MAPDA: variants seen among roughly 807,000 people sequenced by gnomAD.
The protein encoded by MAPDA is N6-Methyl-AMP deaminase.
At chr15:43,350,886 G>GA in the MAPDA span, 1 of 1,390,718 alleles carries the variant, frequency 7.2e-7, no homozygotes, top group Non-Finnish European at 1.0e-6. Context: ...GGTGAACACT[G>GA]AATGAGTTCA....
At chr15:43,337,509 G>C in the MAPDA span, among the ~76,000 whole-genome samples, 1 of 152,190 alleles carries the variant, frequency 6.6e-6, no homozygotes, top group Non-Finnish European at 1.5e-5. Context: ...TGATACTAGA[G>C]TCTGACATGG....
At chr15:43,350,979 C>T in the MAPDA span, 1 of 1,551,662 alleles carries the variant, frequency 6.4e-7, no homozygotes, top group South Asian at 1.2e-5. Context: ...TCAGACAGTT[C>T]CATCTTATGA....
chr15:43,335,038 C>G, the MAPDA span: 1 of 1,490,332 alleles, frequency 6.7e-7, no homozygotes, highest in African/African-American at 1.4e-5. Context: ...ATACAATTTA[C>G]TGACTGAAAT....
chr15:43,352,999 G>GCAGTGA, the MAPDA span: 4 of 151,374 alleles, frequency 2.6e-5, no homozygotes, highest in Non-Finnish European at 5.9e-5. Flanking sequence ...AGGCTGGAGT[G>GCAGTGA]CAGTGACATG....
At chr15:43,351,880 G>T in the MAPDA span, 1 of 1,551,552 alleles carries the variant, frequency 6.4e-7, no homozygotes, top group African/African-American at 1.4e-5. Flanking sequence ...CTTTGCTTCT[G>T]ACAGCACCAG....
chr15:43,346,056 T>TG, the MAPDA span: 15 of 1,575,346 alleles, frequency 9.5e-6, no homozygotes, highest in Non-Finnish European at 1.3e-5. Context: ...TCGGGCATCT[T>TG]GCATTGCATT....
the MAPDA span, among the ~76,000 whole-genome samples, chr15:43,347,650 A>G: frequency 6.6e-6 from 1 of 152,316 alleles, no homozygotes; most frequent in Admixed American, 6.5e-5. Flanking sequence ...ACTTTGCTGC[A>G]ATTTTCCCCA....
chr15:43,337,951 T>C, the MAPDA span, among the ~76,000 whole-genome samples: 2 of 152,338 alleles, frequency 1.3e-5, no homozygotes, highest in African/African-American at 2.4e-5. Flanking sequence ...TAAGGATTTA[T>C]AGGGAACCAA....
At chr15:43,330,539 C>G in the MAPDA span, 2 of 1,504,902 alleles carry the variant, frequency 1.3e-6, no homozygotes, top group Non-Finnish European at 1.8e-6. Flanking sequence ...TGAGCCGCCC[C>G]TTGGTTAGCA....
chr15:43,341,737 A>G, the MAPDA span, among the ~76,000 whole-genome samples: 5 of 152,168 alleles, frequency 3.3e-5, no homozygotes, highest in Admixed American at 3.3e-4. Flanking sequence ...CCTGAGCAAC[A>G]GAGAGAGACC....
At chr15:43,336,252 C>G in the MAPDA span, among the ~76,000 whole-genome samples, 2 of 152,102 alleles carry the variant, frequency 1.3e-5, no homozygotes, top group African/African-American at 4.8e-5. Context: ...CCTATGTTGC[C>G]CAGGCTGGTC....
the MAPDA span, chr15:43,352,537 AAAAAAAC>A: frequency 1.3e-5 from 2 of 152,144 alleles, no homozygotes; most frequent in African/African-American, 4.8e-5. Context: ...CTACAAAAAC[AAAAAAAC>A]AAAAAACCGG....
the MAPDA span, chr15:43,352,001 T>C: frequency 1.3e-6 from 2 of 1,496,344 alleles, no homozygotes; most frequent in Non-Finnish European, 1.8e-6. Context: ...TCCTGCCATA[T>C]CCCACTTAGT....
At chr15:43,330,803 C>T in the MAPDA span, 1 of 283,576 alleles carries the variant, frequency 3.5e-6, no homozygotes, top group Non-Finnish European at 6.6e-6. Context: ...TTCTACAAGC[C>T]TTCCAGTCAA....
chr15:43,350,868 G>A, the MAPDA span: 20 of 1,258,238 alleles, frequency 1.6e-5, 2 homozygotes, highest in Admixed American at 4.2e-4. Flanking sequence ...TATTTCTCGT[G>A]TCTACTTGGT....
chr15:43,344,806 CAA>C, the MAPDA span, among the ~76,000 whole-genome samples: 25 of 90,840 alleles, frequency 2.8e-4, no homozygotes, highest in Non-Finnish European at 2.5e-4. Context: ...AATTCTGTCT[CAA>C]AAAAAAAAAA....
chr15:43,349,361 G>T, the MAPDA span: 1 of 1,008,446 alleles, frequency 9.9e-7, no homozygotes. Context: ...AAATTGACAT[G>T]TGTTATGAAA....
chr15:43,354,254 T>A, the MAPDA span: 1 of 152,226 alleles, frequency 6.6e-6, no homozygotes, highest in Admixed American at 6.5e-5. Context: ...GACTTTGTTT[T>A]AAGGAACAGG....
chr15:43,345,980 T>C, the MAPDA span: 1 of 1,613,978 alleles, frequency 6.2e-7, no homozygotes, highest in Non-Finnish European at 8.5e-7. Flanking sequence ...GAGACCCTAC[T>C]GTAAGTTATT....
Sources: gnomAD v4.1 joint callset for allele counts (sites outside exome capture counted in the v4.1 genomes callset) on GRCh38, gnomAD v4.1.1 for gene constraint, MANE v1.5 for transcripts, NCBI Gene and HGNC (gene_info 2026-07-23, HGNC 2026-07-21) for gene names.